WDPCP: variants seen among roughly 807,000 people sequenced by gnomAD.
WDPCP encodes WD repeat-containing and planar cell polarity effector protein fritz homolog.
In WDPCP, 71 loss-of-function variants were observed where a neutral mutation model predicts 93.1. The observed-to-expected ratio is 0.76, with a 90% CI of 0.63 to 0.93. The LOEUF is 0.93. Ranked by LOEUF, WDPCP falls within the 40% of genes least tolerant of loss-of-function variation. The pLI, the probability that WDPCP is intolerant of heterozygous loss-of-function variation, is 0.00. For missense variants in WDPCP, 844 were observed against 887.4 expected, an observed-to-expected ratio of 0.95 and a Z score of 0.62; for synonymous variants, 315 against 315.0, an observed-to-expected ratio of 1.00 and a Z score of 0.00.
intron 3 of WDPCP, among the ~76,000 whole-genome samples, chr2:63,634,052 T>C (rs1178138145): frequency 1.3e-5 from 2 of 151,408 alleles, no homozygotes; most frequent in East Asian, 3.9e-4. Flanking sequence ...CAAGATTCCA[T>C]CTCGAAAAAA....
chr2:63,785,613 A>G (rs1045825684), intron 2 of WDPCP, among the ~76,000 whole-genome samples: 6 of 152,134 alleles, frequency 3.9e-5, no homozygotes, highest in Non-Finnish European at 7.4e-5. Flanking sequence ...TCTTCTCTTT[A>G]TTATATTCTA....
intron 14 of WDPCP, among the ~76,000 whole-genome samples, chr2:63,188,942 G>C (rs899611859): frequency 6.6e-6 from 1 of 152,112 alleles, no homozygotes; most frequent in African/African-American, 2.4e-5. Flanking sequence ...TTTACTTAGG[G>C]GAAAACTGTG....
At chr2:63,407,930 AG>A (rs1694715961) in intron 9 of WDPCP, among the ~76,000 whole-genome samples, 1 of 152,204 alleles carries the variant, frequency 6.6e-6, no homozygotes, top group Non-Finnish European at 1.5e-5. Context: ...GCCTAAAAGA[AG>A]GGGCCCAAAC....
intron 14 of WDPCP, among the ~76,000 whole-genome samples, chr2:63,219,980 C>T (rs973443813): frequency 4.0e-5 from 6 of 151,508 alleles, no homozygotes; most frequent in East Asian, 3.9e-4. Flanking sequence ...CCAGCCTGGG[C>T]GACAGAGTGA....
chr2:63,533,752 A>C (rs1482612767), intron 1 of WDPCP, among the ~76,000 whole-genome samples: 1 of 152,232 alleles, frequency 6.6e-6, no homozygotes, highest in Non-Finnish European at 1.5e-5. Context: ...CCACAAGAGA[A>C]AGCAGCAGAG....
At chr2:63,542,663 CAT>C (rs1161529062) in intron 1 of WDPCP, among the ~76,000 whole-genome samples, 2 of 152,144 alleles carry the variant, frequency 1.3e-5, no homozygotes, top group South Asian at 4.2e-4. Context: ...ATATTAATTA[CAT>C]GTTTCATTCC....
chr2:63,256,641 T>A (rs749738506), intron 14 of WDPCP, among the ~76,000 whole-genome samples: 1 of 152,164 alleles, frequency 6.6e-6, no homozygotes, highest in Non-Finnish European at 1.5e-5. Context: ...CACAAGAATG[T>A]TCATAGCAAC....
chr2:63,427,057 A>G (rs926850029), intron 9 of WDPCP, among the ~76,000 whole-genome samples: 1 of 152,252 alleles, frequency 6.6e-6, no homozygotes, highest in African/African-American at 2.4e-5. Context: ...CTAAATATAT[A>G]TGCATCCAAC....
intron 14 of WDPCP, among the ~76,000 whole-genome samples, chr2:63,189,863 G>T (rs1235227344): frequency 6.6e-6 from 1 of 152,074 alleles, no homozygotes; most frequent in Non-Finnish European, 1.5e-5. Context: ...TGGATCAATT[G>T]TACTCTTTGC....
At chr2:63,130,163 T>C (rs1341994826) in intron 17 of WDPCP, among the ~76,000 whole-genome samples, 3 of 152,190 alleles carry the variant, frequency 2.0e-5, no homozygotes, top group African/African-American at 7.2e-5. Context: ...GCCTGTACTT[T>C]TGGTGTCTTA....
At chr2:63,233,981 T>A (rs916592065) in intron 14 of WDPCP, among the ~76,000 whole-genome samples, 1 of 152,098 alleles carries the variant, frequency 6.6e-6, no homozygotes. Context: ...TAAGAACATA[T>A]GCTTAGGGTA....
chr2:63,194,504 ATAAG>A (rs1675276116), intron 14 of WDPCP, among the ~76,000 whole-genome samples: 1 of 149,870 alleles, frequency 6.7e-6, no homozygotes, highest in Middle Eastern at 3.5e-3. Flanking sequence ...CATTAGAAAA[ATAAG>A]TAAGCAAAAC....
intron 13 of WDPCP, among the ~76,000 whole-genome samples, chr2:63,294,281 A>T (rs1014032582): frequency 1.3e-5 from 2 of 151,440 alleles, no homozygotes; most frequent in African/African-American, 4.9e-5. Flanking sequence ...AGGCAGGCAG[A>T]TCACTTGAGG....
chr2:63,220,013 T>A (rs943164187), intron 14 of WDPCP, among the ~76,000 whole-genome samples: 3 of 151,268 alleles, frequency 2.0e-5, no homozygotes, highest in Non-Finnish European at 4.4e-5. Flanking sequence ...CAAAAAAAAA[T>A]AAAAAATAAA....
rs187223467 is a variant in WDPCP at position 63,372,852 on chromosome 2, G to A, written c.1748+5534C>T. ...TACATTACCAATATAGGCTGGGCAC[G>A]GTAGCTCACTTCTATAATCCCAGCA... On this transcript the variant is annotated intron_variant, in intron 12 of 17. Coordinates refer to ENST00000272321, the MANE Select transcript of WDPCP (RefSeq NM_015910.7). Among the ~76,000 whole-genome samples the A allele has an allele frequency of 1.3e-3, 202 of 152,166 alleles. 1 individual carries two copies. The highest frequency in any genetic ancestry group is 4.6e-3 in the African/African-American group (191 of 41,520).
At chr2:63,564,017 T>C (rs932300814) in intron 1 of WDPCP, among the ~76,000 whole-genome samples, 1 of 152,210 alleles carries the variant, frequency 6.6e-6, no homozygotes, top group Non-Finnish European at 1.5e-5. Flanking sequence ...ATATGAATTA[T>C]ATCACAATAA....
At chr2:63,484,070 TTTTTA>T (rs1700424110) in intron 6 of WDPCP, among the ~76,000 whole-genome samples, 1 of 151,956 alleles carries the variant, frequency 6.6e-6, no homozygotes, top group African/African-American at 2.4e-5. Context: ...AGAACTGAAT[TTTTTA>T]TTTTATTTAA....
intron 6 of WDPCP, among the ~76,000 whole-genome samples, chr2:63,450,174 C>T (rs1166525717): frequency 6.6e-6 from 1 of 152,156 alleles, no homozygotes; most frequent in African/African-American, 2.4e-5. Flanking sequence ...TTTCCACACA[C>T]CACTGCAGGC....
At chr2:63,464,336 T>G (rs905946534) in intron 6 of WDPCP, among the ~76,000 whole-genome samples, 1 of 152,120 alleles carries the variant, frequency 6.6e-6, no homozygotes, top group Non-Finnish European at 1.5e-5. Context: ...AGCTTGATAG[T>G]AGAATGATTA....
Sources: allele counts gnomAD v4.1 joint callset (sites outside exome capture counted in the v4.1 genomes callset), GRCh38; gene constraint gnomAD v4.1.1; transcripts MANE v1.5; gene names NCBI Gene and HGNC (gene_info 2026-07-23, HGNC 2026-07-21).